ALG5: variants seen among roughly 807,000 people sequenced by gnomAD.
ALG5 encodes the protein ALG5 dolichyl-phosphate beta-glucosyltransferase.
In ALG5, 26 loss-of-function variants were observed where a neutral mutation model predicts 51.8. That is an observed-to-expected ratio of 0.50 (90% CI 0.37 to 0.70). ALG5 has a LOEUF of 0.70. Among genes scored for constraint, ALG5 ranks in the 30% least tolerant of loss-of-function variants. The pLI is 0.00. For missense variants in ALG5, 311 were observed against 399.3 expected, an observed-to-expected ratio of 0.78 and a Z score of 1.88; for synonymous variants, 141 against 136.1, an observed-to-expected ratio of 1.04 and a Z score of -0.25.
chr13:36,974,683 AAC>A (rs2058941613), intron 6 of ALG5, among the ~76,000 whole-genome samples: 1 of 152,140 alleles, frequency 6.6e-6, no homozygotes, highest in South Asian at 2.1e-4. Context: ...AATAATTAGC[AAC>A]ACATTGCCAA....
rs771902081 is a variant in ALG5 at position 36,993,574 on chromosome 13, A to G, written c.354+30T>C. 3.8e-6 allele frequency: 6 copies of G among 1,575,080 alleles called. No homozygotes were observed. In the African/African-American group the frequency reaches 5.4e-5, roughly 14 times the overall value. ...CAAAATTATTCTCTATTTTCTAACTATTGTCAATTCTAAAAGCAAGTGTAT... is the reference window on the plus strand; with the variant it reads ...CAAAATTATTCTCTATTTTCTAACTGTTGTCAATTCTAAAAGCAAGTGTAT... On this transcript the variant is annotated intron_variant, in intron 4 of 9. Coordinates refer to ENST00000239891, the MANE Select transcript of ALG5 (RefSeq NM_013338.5).
chr13:36,982,045 T>A (rs2058982114), intron 6 of ALG5, among the ~76,000 whole-genome samples: 1 of 152,144 alleles, frequency 6.6e-6, no homozygotes, highest in South Asian at 2.1e-4. Flanking sequence ...AAGCTGAGAT[T>A]GCGCCACTGC....
rs574093668 is a variant in ALG5, at chr13:36,994,360, C to T, written c.285+629G>A. Among the ~76,000 whole-genome samples, 13 of 152,100 alleles carry T rather than the reference C, an allele frequency of 8.5e-5. No individual in the cohort carries two copies. In the East Asian group the frequency reaches 1.7e-3, roughly 20 times the overall value. ...AAAAGAACTCACTTAATTCTTAATC[C>T]CTCCAAGGGGATTCCAATGGCAGCT... On this transcript the variant is annotated intron_variant, in intron 3 of 9. Transcript: ENST00000239891.
chr13:36,958,202 C>A (rs570144371), intron 8 of ALG5, among the ~76,000 whole-genome samples: 4 of 152,234 alleles, frequency 2.6e-5, no homozygotes, highest in South Asian at 4.2e-4. Flanking sequence ...CACCGCACCC[C>A]CTCCATGCCG....
chr13:36,995,364 C>A, intron 2 of ALG5, 61 bp downstream of exon 2: 1 of 1,531,834 alleles, frequency 6.5e-7, no homozygotes, highest in Non-Finnish European at 8.9e-7. Flanking sequence ...AAGTCAAATA[C>A]TTTAAATTTC....
At chr13:36,998,911 G>C in intron 1 of ALG5, 2 of 269,386 alleles carry the variant, frequency 7.4e-6, no homozygotes, top group Non-Finnish European at 1.4e-5. Context: ...AGAGGTCGAG[G>C]TTGACAGAGG....
In ALG5 at chr13:36,991,819, G is replaced by A. The variant is rs143875971; in HGVS notation, c.354+1785C>T. Reference sequence around the variant, plus strand: ...CTGCTACCCAGGCTGGAGTTCAGTCGTGCGATCACAGCTCACTGTAACCTT... The same window carrying A: ...CTGCTACCCAGGCTGGAGTTCAGTCATGCGATCACAGCTCACTGTAACCTT... On this transcript the variant is annotated intron_variant, in intron 4 of 9. Coordinates refer to ENST00000239891, the MANE Select transcript of ALG5 (RefSeq NM_013338.5). Among the ~76,000 whole-genome samples the A allele has an allele frequency of 9.8e-4, 149 of 152,174 alleles. 1 individual carries two copies. The highest frequency in any genetic ancestry group is 6.8e-3 in the Middle Eastern group (2 of 294).
At position 36,995,442 on chromosome 13, in the gene ALG5, T is replaced by C; in HGVS notation, c.221A>G (p.Tyr74Cys). 6.2e-7 allele frequency: 1 copy of C among 1,612,296 alleles called. No homozygotes were observed. The highest frequency in any genetic ancestry group is 8.5e-7 in the Non-Finnish European group (1 of 1,179,642). ...TKQLSVVVPS[Y>C]NEEKRLPVMM... ...GGGCTTACACCGTTTTTCTTCATTG[T>C]ATGAAGGCACAACGACAGAAAGTTG... Residue 74 changes from tyrosine (Y) to cysteine (C), a missense_variant, in exon 2 of 10, where the codon TAC becomes TGC. Physicochemically the swap from Tyr to Cys is radical, Grantham distance 194 (BLOSUM62 -2). Transcript: ENST00000239891.
chr13:36,982,615 T>C (rs978534451), intron 6 of ALG5, among the ~76,000 whole-genome samples: 5 of 152,228 alleles, frequency 3.3e-5, no homozygotes, highest in African/African-American at 1.2e-4. Context: ...AACACCTGAA[T>C]TACATAAGTA....
chr13:36,970,171 G>A (rs1593667601), intron 7 of ALG5, among the ~76,000 whole-genome samples: 1 of 151,860 alleles, frequency 6.6e-6, no homozygotes, highest in African/African-American at 2.4e-5. Context: ...TGATGAAGCA[G>A]GATTAATTCT....
chr13:36,973,985 G>A (rs181670927), intron 6 of ALG5, among the ~76,000 whole-genome samples: 6 of 152,106 alleles, frequency 3.9e-5, no homozygotes, highest in African/African-American at 1.4e-4. Context: ...CAATTCTTCC[G>A]ACAAATATAC....
chr13:36,993,488 T>C (rs1240533823), intron 4 of ALG5, 116 bp downstream of exon 4: 3 of 818,448 alleles, frequency 3.7e-6, no homozygotes, highest in Admixed American at 2.0e-5. Flanking sequence ...ACTATAACAA[T>C]GGAGAGTGTT....
chr13:36,952,637 C>T, intron 8 of ALG5, 38 bp from the exon 9 acceptor site: 1 of 1,260,258 alleles, frequency 7.9e-7, no homozygotes, highest in African/African-American at 1.6e-5. Flanking sequence ...TTTTTAAAGA[C>T]AAATAGAACA....
At chr13:36,971,413 G>A (rs1173577187) in intron 7 of ALG5, among the ~76,000 whole-genome samples, 3 of 152,164 alleles carry the variant, frequency 2.0e-5, no homozygotes, top group Non-Finnish European at 4.4e-5. Flanking sequence ...TTGGGAGGCT[G>A]AGGCAGGCGG....
At chr13:36,978,429 C>T (rs902227208) in intron 6 of ALG5, among the ~76,000 whole-genome samples, 13 of 151,902 alleles carry the variant, frequency 8.6e-5, no homozygotes, top group South Asian at 2.1e-4. Context: ...TCGGGTGATC[C>T]GCATGCCTCA....
rs1256476068 is a variant in ALG5, at chr13:36,989,476, T to C, written c.447+8A>G. Reference sequence around the variant, plus strand: ...ATTTTAGATAAAAATGTTGAAAATATGTATTACCATTCTAATCGCTCCACC... The same window carrying C: ...ATTTTAGATAAAAATGTTGAAAATACGTATTACCATTCTAATCGCTCCACC... On this transcript the variant is annotated splice_region_variant and intron_variant, in intron 5 of 9. Transcript: ENST00000239891. 4 of 1,600,084 alleles carry C rather than the reference T, an allele frequency of 2.5e-6. No individual in the cohort carries two copies. Among genetic ancestry groups the C allele is most frequent in the South Asian group, 1.1e-5 (1 of 89,788 alleles).
intron 8 of ALG5, chr13:36,952,883 C>T (rs1260303891): frequency 4.7e-6 from 1 of 212,370 alleles, no homozygotes; most frequent in African/African-American, 2.3e-5. Flanking sequence ...AAATTTAATC[C>T]TGGAAAATTT....
Position 36,952,575 on chromosome 13 carries a change from G to A in ALG5, c.798C>T (p.Tyr266=). The A allele has an allele frequency of 6.3e-7, 1 of 1,585,540 alleles. No homozygotes were observed. The highest frequency in any genetic ancestry group is 8.5e-7 in the Non-Finnish European group (1 of 1,169,942). The change falls in exon 9 of 10, where the codon TAC becomes TAT. Residue 266 remains tyrosine (Y), a synonymous_variant. Transcript: ENST00000239891. ...TTGGAATTTTAAAGAACTGTGCTATGTACAGTAGTTCTACATCAAATGCCC... is the reference window on the plus strand; with the variant it reads ...TTGGAATTTTAAAGAACTGTGCTATATACAGTAGTTCTACATCAAATGCCC... The part of the protein sequence containing the change: ...ERWAFDVELL[Y]IAQFFKIPIA...
chr13:36,950,568 T>A (rs1416209159), intron 9 of ALG5, among the ~76,000 whole-genome samples: 1 of 137,002 alleles, frequency 7.3e-6, no homozygotes, highest in Non-Finnish European at 1.6e-5. Context: ...GATCCACATA[T>A]CACAGCAGAT....
Sources: allele counts gnomAD v4.1 joint callset (sites outside exome capture counted in the v4.1 genomes callset), GRCh38; gene constraint gnomAD v4.1.1; transcripts MANE v1.5; gene names NCBI Gene and HGNC (gene_info 2026-07-23, HGNC 2026-07-21).